The following GALC variants were observed in gnomAD, a reference collection of about 807,000 sequenced individuals.
GALC encodes galactocerebrosidase.
Under a neutral mutation model 91.8 loss-of-function variants are expected in GALC, and 77 were observed. The observed-to-expected ratio is 0.84, with a 90% confidence interval of 0.70 to 1.01. The LOEUF is 1.01. GALC is among the 50% of genes least tolerant of loss of function. The probability of loss-of-function intolerance (pLI) is 0.00; values close to 1 mark genes in which losing one functional copy is unlikely to be tolerated. For synonymous variants in GALC, 357 were observed against 306.7 expected, an observed-to-expected ratio of 1.16 and a Z score of -1.71; for missense variants, 882 against 855.9, an observed-to-expected ratio of 1.03 and a Z score of -0.38.
Position 87,933,894 on chromosome 14 carries a change from G to GT in GALC, c.*837dup. The GT allele has an allele frequency of 8.9e-7, 1 of 1,124,138 alleles. No homozygotes were observed. Among genetic ancestry groups the GT allele is most frequent in the Non-Finnish European group, 1.3e-6 (1 of 773,130 alleles). 69.6% of individuals were successfully genotyped at this position (1,124,138 alleles called of 1,614,324 possible). On this transcript the variant is annotated 3_prime_UTR_variant, in exon 17 of 17. Coordinates refer to ENST00000261304, the MANE Select transcript of GALC (RefSeq NM_000153.4). The stretch of plus-strand genomic sequence containing the variant: ...AAGCATTCATCAGCTGTGTGAGTCT[G>GT]TTACCAGTGCACATGTGAGGACAGA...
chr14:87,963,454 A>C lies in GALC; in HGVS notation c.1091T>G (p.Leu364Ter). ...AGCTACGTAGCTTCCTCCTTTCTCT[A>C]AATGGCCAACTGTCTTCAGGTAATA... ...GWYYLKTVGH[L>*]EKGGSYVALT... Residue 364 changes from leucine (L) to a stop codon, truncating the protein, a stop_gained, in exon 10 of 17, where the codon TTA becomes TGA. Transcript: ENST00000261304. LOFTEE classifies it high-confidence loss of function. 1 of 1,613,210 alleles carries C rather than the reference A, an allele frequency of 6.2e-7. No individual in the cohort carries two copies. The highest frequency in any genetic ancestry group is 1.1e-5 in the South Asian group (1 of 91,062).
chr14:87,947,950 A>T (rs1389418334), intron 12 of GALC, 72 bp from the exon 13 acceptor site: 2 of 1,378,098 alleles, frequency 1.5e-6, no homozygotes, highest in Non-Finnish European at 2.0e-6. Context: ...AATAGCTTTA[A>T]AAAAATTAGC....
At chr14:87,936,209 A>G (rs1884559480) in intron 16 of GALC, among the ~76,000 whole-genome samples, 1 of 152,000 alleles carries the variant, frequency 6.6e-6, no homozygotes, top group Non-Finnish European at 1.5e-5. Context: ...CTACCCACTC[A>G]GTGAGGTCTT....
rs1885037773 is a variant in GALC at position 87,945,546 on chromosome 14, A to G, written c.1670+7T>C. On this transcript the variant is annotated splice_region_variant and intron_variant, in intron 14 of 16. Transcript: ENST00000261304. ...AGCCAGATCCACATTGAGAACATCA[A>G]TCTTACCAGTTGTAGTCTCCTATAA... 1.9e-6 allele frequency: 3 copies of G among 1,579,258 alleles called. No individual in the cohort carries two copies. Among genetic ancestry groups the G allele is most frequent in the Non-Finnish European group, 2.6e-6 (3 of 1,148,484 alleles).
At position 87,993,026 on chromosome 14, in the gene GALC, C is replaced by T. The variant is rs1393673413; in HGVS notation, c.139G>A (p.Asp47Asn). The change falls in exon 1 of 17, where the codon GAC becomes AAC. Residue 47 changes from aspartate to asparagine, a missense_variant. Coordinates refer to ENST00000261304, the MANE Select transcript of GALC (RefSeq NM_000153.4). ...AACTCCCGGCCCAGCCCGTCGGAGTCGTCGAGCACGTACGCGCCGCCGGGC... is the reference window on the plus strand; with the variant it reads ...AACTCCCGGCCCAGCCCGTCGGAGTTGTCGAGCACGTACGCGCCGCCGGGC... ...LAPGGAYVLDDSDGLGREFDG... is the reference protein window; with the variant it reads ...LAPGGAYVLDNSDGLGREFDG... 6.5e-7 allele frequency: 1 copy of T among 1,550,134 alleles called. No individual in the cohort carries two copies. Among genetic ancestry groups the T allele is most frequent in the Non-Finnish European group, 8.7e-7 (1 of 1,152,814 alleles).
At chr14:87,982,101 T>G in intron 6 of GALC, 104 bp downstream of exon 6, 1 of 645,706 alleles carries the variant, frequency 1.5e-6, no homozygotes, top group South Asian at 2.1e-5. Flanking sequence ...GTATAAAAAA[T>G]ACGGTATTTC....
In GALC at chr14:87,965,644, A is replaced by G; in HGVS notation, c.909-15T>C. The G allele has an allele frequency of 6.2e-7, 1 of 1,612,634 alleles. No individual in the cohort carries two copies. The highest frequency in any genetic ancestry group is 8.5e-7 in the Non-Finnish European group (1 of 1,179,042). On this transcript the variant is annotated splice_polypyrimidine_tract_variant and intron_variant, in intron 8 of 16. Transcript: ENST00000261304. ...ATGCGATTGTGCTAAAAGATTTGATAAAAAAGAAACACCAAGACAACTTGT... is the reference window on the plus strand; with the variant it reads ...ATGCGATTGTGCTAAAAGATTTGATGAAAAAGAAACACCAAGACAACTTGT...
At chr14:87,952,299 A>G (rs945573218) in intron 10 of GALC, among the ~76,000 whole-genome samples, 2 of 151,942 alleles carry the variant, frequency 1.3e-5, no homozygotes, top group Admixed American at 1.3e-4. Context: ...ACATTACTAG[A>G]GATTAGAGAT....
chr14:87,954,241 T>C (rs1462364267), intron 10 of GALC: 16 of 1,536,842 alleles, frequency 1.0e-5, no homozygotes, highest in East Asian at 6.8e-5. Flanking sequence ...ATAGACTTTA[T>C]AGAATTGGAG....
rs565111961 is a variant in GALC at position 87,975,608 on chromosome 14, C to T, written c.752+750G>A. On this transcript the variant is annotated intron_variant, in intron 7 of 16. Coordinates refer to ENST00000261304, the MANE Select transcript of GALC (RefSeq NM_000153.4). ...AAGAATTGGTCATGGATTCACAGTT[C>T]AAGAGGTTGAGTGATAAGAACATAG... is the stretch of plus-strand genomic sequence containing the variant. Among the ~76,000 whole-genome samples, 27 of 152,028 alleles carry T rather than the reference C, an allele frequency of 1.8e-4. No homozygotes were observed. In the South Asian group the frequency reaches 3.7e-3, roughly 21 times the overall value.
At chr14:87,991,392 C>T (rs532173666) in intron 1 of GALC, among the ~76,000 whole-genome samples, 1 of 152,200 alleles carries the variant, frequency 6.6e-6, no homozygotes, top group Non-Finnish European at 1.5e-5. Flanking sequence ...TTAGTAGAGA[C>T]GGGGTTTCAC....
intron 10 of GALC, among the ~76,000 whole-genome samples, chr14:87,957,623 G>C (rs1885610891): frequency 6.6e-6 from 1 of 151,980 alleles, no homozygotes; most frequent in African/African-American, 2.4e-5. Flanking sequence ...ATACATGACT[G>C]CTAGATCTGA....
rs1044107176 is a variant in GALC at position 87,991,180 on chromosome 14, G to A, written c.195+1790C>T. On this transcript the variant is annotated intron_variant, in intron 1 of 16. Coordinates refer to ENST00000261304, the MANE Select transcript of GALC (RefSeq NM_000153.4). ...GTCTACATTCTTTTTGTTTTGTTTC[G>A]CTTTGGTTTGGTTTTTGGGTTTTTT... 8.0e-4 allele frequency among the ~76,000 whole-genome samples: 121 copies of A among 152,140 alleles called. 2 individuals are homozygous for A. Among genetic ancestry groups the A allele is most frequent in the South Asian group, 2.1e-4 (1 of 4,822 alleles).
Position 87,970,138 on chromosome 14 carries a change from T to C in GALC, c.753-1648A>G, listed in dbSNP as rs532676630. On this transcript the variant is annotated intron_variant, in intron 7 of 16. Transcript: ENST00000261304. ...TTTATTCTTCTATCCCACAACTCCA[T>C]TCTATTTCCATGAAATTCAGCTTTG... 5.9e-5 allele frequency among the ~76,000 whole-genome samples: 9 copies of C among 152,298 alleles called. No individual in the cohort carries two copies. The East Asian group carries it at 1.7e-3, about 29-fold the overall frequency.
chr14:87,982,349 T>C, intron 5 of GALC, 106 bp from the exon 6 acceptor site: 1 of 756,338 alleles, frequency 1.3e-6, no homozygotes, highest in Non-Finnish European at 2.3e-6. Context: ...TATTATCTGA[T>C]ACGCCATTTT....
At position 87,984,408 on chromosome 14, in the gene GALC, T is replaced by C. The variant is rs531047429; in HGVS notation, c.568A>G (p.Ile190Val). 6.2e-7 allele frequency: 1 copy of C among 1,613,808 alleles called. No homozygotes were observed. Among genetic ancestry groups the C allele is most frequent in the African/African-American group, 1.3e-5 (1 of 75,040 alleles). Residue 190 changes from isoleucine to valine, a missense_variant, in exon 5 of 17, where the codon ATT becomes GTT. Physicochemically the swap from Ile to Val is conservative, Grantham distance 29. Coordinates refer to ENST00000261304, the MANE Select transcript of GALC (RefSeq NM_000153.4). ...VGAKRYHDLDIDYIGIWNERS... is the reference protein window; with the variant it reads ...VGAKRYHDLDVDYIGIWNERS... ...ATATTACTAACTCCAATATAATCAA[T>C]GTCCAAATCATGGTAACGCTTGGCG...
intron 14 of GALC, among the ~76,000 whole-genome samples, chr14:87,945,284 A>G (rs982227507): frequency 2.6e-5 from 4 of 152,046 alleles, no homozygotes; most frequent in Non-Finnish European, 4.4e-5. Flanking sequence ...ATTGGGTCCA[A>G]AAGTCCTTAG....
chr14:87,970,750 T>C (rs1232087509), intron 7 of GALC, among the ~76,000 whole-genome samples: 2 of 150,520 alleles, frequency 1.3e-5, no homozygotes, highest in East Asian at 3.9e-4. Flanking sequence ...GTGCCTGTAG[T>C]CCCAGCTACT....
chr14:87,936,391 C>T (rs1223411809), intron 16 of GALC, among the ~76,000 whole-genome samples: 1 of 151,946 alleles, frequency 6.6e-6, no homozygotes, highest in Non-Finnish European at 1.5e-5. Flanking sequence ...TAAAATCTTA[C>T]TGAAACACAG....
Sources: gnomAD v4.1 joint callset for allele counts (sites outside exome capture counted in the v4.1 genomes callset) on GRCh38, gnomAD v4.1.1 for gene constraint, MANE v1.5 for transcripts, NCBI Gene and HGNC (gene_info 2026-07-23, HGNC 2026-07-21) for gene names.